EMC3: variants seen among roughly 807,000 people sequenced by gnomAD.
The protein encoded by EMC3 is 30 kDa protein.
In EMC3, 13 loss-of-function variants were observed where a neutral mutation model predicts 36.6. That is an observed-to-expected ratio of 0.35 (90% CI 0.23 to 0.56). EMC3 has a LOEUF of 0.56. Ranked by LOEUF, EMC3 falls within the 20% of genes least tolerant of loss-of-function variation. The pLI is 0.84. For missense variants in EMC3, 220 were observed against 324.5 expected (o/e 0.68, Z 2.47); for synonymous variants, 120 against 111.9 (o/e 1.07, Z -0.46).
chr3:9,980,412 C>T (rs2085897370), intron 1 of EMC3, among the ~76,000 whole-genome samples: 2 of 150,780 alleles, frequency 1.3e-5, no homozygotes, highest in African/African-American at 4.9e-5. Context: ...GTTGTCCAGG[C>T]TGGAGTGCAG....
intron 1 of EMC3, among the ~76,000 whole-genome samples, chr3:10,005,998 G>A (rs1292474734): frequency 6.6e-6 from 1 of 152,226 alleles, no homozygotes; most frequent in African/African-American, 2.4e-5. Context: ...AAAGCCAGAT[G>A]TCAGGGCAGA....
intron 5 of EMC3, among the ~76,000 whole-genome samples, chr3:9,971,168 C>T (rs1022137951): frequency 2.0e-5 from 3 of 152,120 alleles, no homozygotes; most frequent in Admixed American, 6.5e-5. Context: ...AGTGATCCGC[C>T]CACCTCAGCC....
upstream of EMC3, among the ~76,000 whole-genome samples, chr3:9,989,282 G>A (rs502744): frequency 3.3e-5 from 5 of 152,198 alleles, no homozygotes; most frequent in African/African-American, 7.2e-5. Context: ...CGGGCACGGT[G>A]GCTCACGCCT....
At chr3:9,994,450 A>G (rs2086098089) in intron 1 of EMC3, 2 of 504,504 alleles carry the variant, frequency 4.0e-6, no homozygotes, top group Non-Finnish European at 7.1e-6. Flanking sequence ...GGAAAGCTCA[A>G]TTTTACTCCC....
chr3:9,989,700 G>A (rs1315975155), upstream of EMC3, among the ~76,000 whole-genome samples: 1 of 152,080 alleles, frequency 6.6e-6, no homozygotes, highest in East Asian at 1.9e-4. Context: ...TTTGGTTTTA[G>A]ATAAACACAA....
upstream of EMC3, among the ~76,000 whole-genome samples, chr3:9,989,679 AAC>A (rs779671241): frequency 5.3e-5 from 8 of 152,208 alleles, no homozygotes; most frequent in Non-Finnish European, 7.3e-5. Context: ...AAGTACTCCA[AAC>A]ACACTGTTTT....
chr3:9,974,858 T>TCTCAA, intron 3 of EMC3, among the ~76,000 whole-genome samples: 1 of 75,038 alleles, frequency 1.3e-5, no homozygotes, highest in Admixed American at 1.3e-4. Context: ...GCACCCAGCG[T>TCTCAA]TTTTTTTTTT....
chr3:9,991,598 C>G (rs999165150), upstream of EMC3, among the ~76,000 whole-genome samples: 3 of 152,078 alleles, frequency 2.0e-5, no homozygotes, highest in African/African-American at 4.8e-5. Flanking sequence ...TCACTGTTGC[C>G]TCCACCTCCT....
chr3:10,009,084 T>C (rs2086296718), intron 1 of EMC3: 1 of 152,210 alleles, frequency 6.6e-6, no homozygotes, highest in South Asian at 2.1e-4. Context: ...GGCAAGCTCA[T>C]AGGGGTTCGG....
chr3:9,973,339 C>T (rs1216471611), intron 5 of EMC3, among the ~76,000 whole-genome samples: 7 of 152,026 alleles, frequency 4.6e-5, no homozygotes, highest in African/African-American at 1.7e-4. Flanking sequence ...GGACTACAGG[C>T]GCCCGCCACC....
intron 1 of EMC3, chr3:10,003,965 C>G (rs2086233370): frequency 6.6e-6 from 1 of 152,426 alleles, no homozygotes; most frequent in Non-Finnish European, 1.5e-5. Context: ...GTACCACATT[C>G]CATGATGGGC....
intron 1 of EMC3, chr3:10,007,498 G>A (rs1162854161): frequency 7.3e-7 from 1 of 1,367,496 alleles, no homozygotes; most frequent in Non-Finnish European, 9.8e-7. Context: ...CTGCTTCGAT[G>A]GTTTCTTCTT....
Position 9,963,968 on chromosome 3 carries a change from C to T in EMC3, c.*101G>A, listed in dbSNP as rs989194723. The stretch of plus-strand genomic sequence containing the variant: ...AAGCCTTGCTGCATGCCTGCCAGCT[C>T]GTGCATCCTCCTTTTTATTTCAAGA... On this transcript the variant is annotated 3_prime_UTR_variant, in exon 8 of 8. Coordinates refer to ENST00000245046, the MANE Select transcript of EMC3 (RefSeq NM_001394674.1). 1.0e-5 allele frequency: 16 copies of T among 1,549,704 alleles called. No individual in the cohort carries two copies. The African/African-American group carries it at 1.6e-4, about 16-fold the overall frequency.
In EMC3 at chr3:9,969,509, T is replaced by C. The variant is rs558811956; in HGVS notation, c.657+210A>G. ...AGTGTGGATTAAATTCCAGTGAGCA[T>C]TTAAAAACCAGTAAAAGCACCAAGA... is the stretch of plus-strand genomic sequence containing the variant. On this transcript the variant is annotated intron_variant, in intron 7 of 7. Transcript: ENST00000245046. The C allele has an allele frequency of 1.1e-4, 162 of 1,444,384 alleles. 3 individuals are homozygous for C. In the Middle Eastern group the frequency reaches 2.3e-3, roughly 20 times the overall value. The allele number at this position is 1,444,384 out of a possible 1,614,324, so 89.5% of individuals were successfully genotyped here.
At chr3:10,009,226 T>A (rs1185924589) in intron 1 of EMC3, 1 of 152,292 alleles carries the variant, frequency 6.6e-6, no homozygotes, top group East Asian at 1.9e-4. Context: ...CCTGTCTCCA[T>A]GACCGCTGGA....
At chr3:9,984,843 T>G (rs574884315) in intron 1 of EMC3, among the ~76,000 whole-genome samples, 1 of 152,228 alleles carries the variant, frequency 6.6e-6, no homozygotes, top group Non-Finnish European at 1.5e-5. Context: ...AATGTCACCC[T>G]GTGTGACGCT....
At chr3:10,011,079 A>C (rs2086318428) in exon 1 of EMC3, 1 of 152,462 alleles carries the variant, frequency 6.6e-6, no homozygotes, top group Non-Finnish European at 1.5e-5. Flanking sequence ...CGGGACCCGC[A>C]GAGAGTGCCC....
intron 7 of EMC3, among the ~76,000 whole-genome samples, chr3:9,966,783 C>T (rs2085740195): frequency 6.6e-6 from 1 of 151,854 alleles, no homozygotes; most frequent in Non-Finnish European, 1.5e-5. Flanking sequence ...CCATGTTGGC[C>T]AGGCTGGTCT....
At chr3:9,991,117 C>A (rs549216953), upstream of EMC3, among the ~76,000 whole-genome samples, 2 of 152,054 alleles carry the variant, frequency 1.3e-5, no homozygotes, top group South Asian at 2.1e-4. Flanking sequence ...TGTGAGCCAC[C>A]GCGCCCGGCC....
Sources: allele counts gnomAD v4.1 joint callset (sites outside exome capture counted in the v4.1 genomes callset), GRCh38; gene constraint gnomAD v4.1.1; transcripts MANE v1.5; gene names NCBI Gene and HGNC (gene_info 2026-07-23, HGNC 2026-07-21).